The following PLXDC2 variants were observed in gnomAD, a reference collection of about 807,000 sequenced individuals.
The protein encoded by PLXDC2 is plexin domain-containing protein 2.
PLXDC2 carries 40 observed loss-of-function variants against 68.9 expected under a neutral mutation model. That is an observed-to-expected ratio of 0.58 (90% CI 0.45 to 0.76). The LOEUF (loss-of-function observed/expected upper bound fraction) is 0.76. Among genes scored for constraint, PLXDC2 ranks in the 30% least tolerant of loss-of-function variants. PLXDC2 has a pLI of 0.00. For synonymous variants in PLXDC2, 243 were observed against 234.2 expected (o/e 1.04, Z -0.34); for missense variants, 644 against 661.9 (o/e 0.97, Z 0.30).
At chr10:20,258,803 C>T (rs1002293643) in intron 13 of PLXDC2, among the ~76,000 whole-genome samples, 1 of 151,906 alleles carries the variant, frequency 6.6e-6, no homozygotes, top group Non-Finnish European at 1.5e-5. Flanking sequence ...GTCAGGAGAT[C>T]GAGACCATCC....
chr10:20,186,819 A>G (rs1414632020), intron 9 of PLXDC2, among the ~76,000 whole-genome samples: 1 of 151,792 alleles, frequency 6.6e-6, no homozygotes, highest in Non-Finnish European at 1.5e-5. Flanking sequence ...TCTACCATTG[A>G]TGGGCATTTA....
intron 13 of PLXDC2, 86 bp from the exon 14 acceptor site, chr10:20,279,617 A>T: frequency 1.0e-6 from 1 of 998,102 alleles, no homozygotes; most frequent in Non-Finnish European, 1.6e-6. Context: ...TTCAACATTT[A>T]ATCTAAAATA....
chr10:20,202,775 T>A (rs1459267313), intron 9 of PLXDC2, among the ~76,000 whole-genome samples: 1 of 152,168 alleles, frequency 6.6e-6, no homozygotes, highest in Admixed American at 6.5e-5. Context: ...AAGTAGTATT[T>A]TAAGAAATTT....
rs139446038 is a variant in PLXDC2 at position 19,837,061 on chromosome 10, C to G, written c.112+19870C>G. On this transcript the variant is annotated intron_variant, in intron 1 of 13. Transcript: ENST00000377252. ...AAACTGTAAAGTCTTATAAAAGAGA[C>G]ATTATTTATTTTCTCCAAGTATTGC... Among the ~76,000 whole-genome samples, 658 of 151,772 alleles carry G rather than the reference C, an allele frequency of 4.3e-3. 3 individuals carry two copies. The highest frequency in any genetic ancestry group is 0.015 in the African/African-American group (624 of 41,394).
In PLXDC2 at chr10:20,287,985, A is replaced by T. The variant is rs536553013; in HGVS notation, c.*8166A>T. 64 of 33,206 alleles carry T rather than the reference A, an allele frequency of 1.9e-3. No homozygotes were observed. The highest frequency in any genetic ancestry group is 4.0e-3 in the Admixed American group (13 of 3,288). 2.1% of individuals were successfully genotyped at this position (33,206 alleles called of 1,614,324 possible). ...AATTGGGCACTTCTTGCGGCGGGGGAGGGGGGGGGGGCGGTGGCTTTCCAG... is the reference window on the plus strand; with the variant it reads ...AATTGGGCACTTCTTGCGGCGGGGGTGGGGGGGGGGGCGGTGGCTTTCCAG... On this transcript the variant is annotated 3_prime_UTR_variant, in exon 14 of 14. Transcript: ENST00000377252.
intron 9 of PLXDC2, among the ~76,000 whole-genome samples, chr10:20,189,155 C>A (rs1212260172): frequency 1.3e-5 from 1 of 75,218 alleles, no homozygotes; most frequent in African/African-American, 3.2e-5. Flanking sequence ...CTGAGTTTAA[C>A]AAAAGTGTAC....
At chr10:20,113,763 T>A (rs941197726) in intron 4 of PLXDC2, among the ~76,000 whole-genome samples, 1 of 152,174 alleles carries the variant, frequency 6.6e-6, no homozygotes, top group Non-Finnish European at 1.5e-5. Context: ...CCTTCTCAAT[T>A]TTTTCCTCCA....
At chr10:19,963,514 A>G (rs2131604756) in intron 1 of PLXDC2, among the ~76,000 whole-genome samples, 1 of 152,348 alleles carries the variant, frequency 6.6e-6, no homozygotes, top group African/African-American at 2.4e-5. Context: ...GCCATAAAAA[A>G]TGATGAATTC....
At chr10:20,041,716 A>C (rs1434209519) in intron 2 of PLXDC2, among the ~76,000 whole-genome samples, 1 of 152,134 alleles carries the variant, frequency 6.6e-6, no homozygotes, top group Non-Finnish European at 1.5e-5. Flanking sequence ...CTTAAAGAAC[A>C]GAAATACTTT....
At chr10:19,934,632 C>T (rs557919723) in intron 1 of PLXDC2, among the ~76,000 whole-genome samples, 10 of 152,256 alleles carry the variant, frequency 6.6e-5, no homozygotes, top group South Asian at 4.2e-4. Context: ...GTTTTGGTGG[C>T]GAAAGAAAGA....
intron 2 of PLXDC2, among the ~76,000 whole-genome samples, chr10:20,020,177 AAT>A (rs1835281856): frequency 1.0e-5 from 1 of 98,188 alleles, no homozygotes; most frequent in African/African-American, 4.4e-5. Flanking sequence ...ACACCCAGCA[AAT>A]TTTTTTTTTT....
At chr10:20,053,468 A>T (rs1168748934) in intron 3 of PLXDC2, among the ~76,000 whole-genome samples, 1 of 152,130 alleles carries the variant, frequency 6.6e-6, no homozygotes, top group Non-Finnish European at 1.5e-5. Flanking sequence ...TCCTTCATTC[A>T]GAGCCACACA....
At chr10:19,965,639 A>G (rs1834234403) in intron 1 of PLXDC2, among the ~76,000 whole-genome samples, 1 of 150,886 alleles carries the variant, frequency 6.6e-6, no homozygotes, top group African/African-American at 2.4e-5. Flanking sequence ...TCTGTGAGTC[A>G]GGAAGCTTAT....
intron 4 of PLXDC2, among the ~76,000 whole-genome samples, chr10:20,098,186 A>G (rs1392011697): frequency 6.6e-6 from 1 of 152,100 alleles, no homozygotes; most frequent in Non-Finnish European, 1.5e-5. Flanking sequence ...AGTGTCCTTT[A>G]GCTGAAATCA....
intron 2 of PLXDC2, among the ~76,000 whole-genome samples, chr10:20,030,516 T>A (rs6482077): frequency 0.86 from 130,234 of 152,178 alleles, 55,946 homozygotes; most frequent in African/African-American, 0.92. Context: ...ACAGTTTGCA[T>A]ACCAAGGAGA....
intron 1 of PLXDC2, among the ~76,000 whole-genome samples, chr10:19,909,049 C>G (rs776874848): frequency 2.8e-4 from 43 of 152,156 alleles, no homozygotes; most frequent in Admixed American, 4.6e-4. Context: ...GATGTGTGTT[C>G]ATGAAAATGT....
chr10:20,169,201 A>G (rs1834413891), intron 7 of PLXDC2, among the ~76,000 whole-genome samples: 1 of 152,162 alleles, frequency 6.6e-6, no homozygotes, highest in South Asian at 2.1e-4. Flanking sequence ...ATTTGTGGAT[A>G]CTGAATGTTA....
chr10:19,939,914 A>T (rs899791144), intron 1 of PLXDC2, among the ~76,000 whole-genome samples: 21 of 151,530 alleles, frequency 1.4e-4, no homozygotes, highest in African/African-American at 5.1e-4. Flanking sequence ...AGCTTATAAA[A>T]TCTGAAAGTT....
At chr10:19,903,483 T>C (rs1183689180) in intron 1 of PLXDC2, among the ~76,000 whole-genome samples, 1 of 152,104 alleles carries the variant, frequency 6.6e-6, no homozygotes, top group Non-Finnish European at 1.5e-5. Context: ...CACAGTACCC[T>C]TGAATAATCT....
Sources: gnomAD v4.1 joint callset for allele counts (sites outside exome capture counted in the v4.1 genomes callset) on GRCh38, gnomAD v4.1.1 for gene constraint, MANE v1.5 for transcripts, NCBI Gene and HGNC (gene_info 2026-07-23, HGNC 2026-07-21) for gene names.